KHDRBS2: variants seen among roughly 807,000 people sequenced by gnomAD.
The protein encoded by KHDRBS2 is KH RNA binding domain containing, signal transduction associated 2.
Under a neutral mutation model 44.3 loss-of-function variants are expected in KHDRBS2, and 26 were observed. The ratio of observed to expected loss-of-function variants is 0.59; its 90% CI spans 0.43 to 0.81. The LOEUF (loss-of-function observed/expected upper bound fraction) is 0.81, where lower values mean the gene tolerates loss of function less well. KHDRBS2 is among the 40% of genes least tolerant of loss of function. KHDRBS2 has a pLI of 0.00. For missense variants in KHDRBS2, 476 were observed against 433.1 expected, an observed-to-expected ratio of 1.10 and a Z score of -0.88; for synonymous variants, 194 against 151.1, an observed-to-expected ratio of 1.28 and a Z score of -2.08.
intron 6 of KHDRBS2, among the ~76,000 whole-genome samples, chr6:61,744,753 G>A (rs374172820): frequency 4.0e-5 from 6 of 151,790 alleles, no homozygotes; most frequent in East Asian, 1.9e-4. Context: ...GTCTTCTAGA[G>A]TTCTATATAA....
chr6:61,732,658 T>A, intron 7 of KHDRBS2, 24 bp downstream of exon 7: 1 of 1,386,278 alleles, frequency 7.2e-7, no homozygotes, highest in Non-Finnish European at 1.0e-6. Context: ...CTGAGAAGGC[T>A]GCTTTAGATA....
intron 1 of KHDRBS2, among the ~76,000 whole-genome samples, chr6:62,243,249 A>AT (rs1174602287): frequency 1.3e-5 from 2 of 152,072 alleles, no homozygotes; most frequent in Non-Finnish European, 2.9e-5. Context: ...TGTTGTGAAA[A>AT]TGTTAATGTT....
intron 2 of KHDRBS2, among the ~76,000 whole-genome samples, chr6:62,127,962 C>A (rs1809366612): frequency 6.6e-6 from 1 of 152,104 alleles, no homozygotes; most frequent in Admixed American, 6.5e-5. Context: ...TGACAGTAGT[C>A]AATCACTAAG....
intron 6 of KHDRBS2, among the ~76,000 whole-genome samples, chr6:61,856,395 CA>C (rs527430227): frequency 2.2e-4 from 33 of 152,094 alleles, no homozygotes; most frequent in Non-Finnish European, 4.1e-4. Context: ...ATGCAATAGT[CA>C]CTTACTTATT....
intron 2 of KHDRBS2, among the ~76,000 whole-genome samples, chr6:62,048,766 C>A (rs1413500395): frequency 6.6e-6 from 1 of 151,896 alleles, no homozygotes; most frequent in Non-Finnish European, 1.5e-5. Context: ...ATGTTAGCTA[C>A]TAAAAGGAAC....
chr6:62,059,352 A>T (rs1277846954), intron 2 of KHDRBS2, among the ~76,000 whole-genome samples: 3 of 151,186 alleles, frequency 2.0e-5, no homozygotes, highest in African/African-American at 7.3e-5. Flanking sequence ...AGCAGGAAAA[A>T]GCTAAACATG....
intron 1 of KHDRBS2, among the ~76,000 whole-genome samples, chr6:62,202,036 TA>T (rs1241147376): frequency 6.6e-6 from 1 of 152,066 alleles, no homozygotes; most frequent in African/African-American, 2.4e-5. Context: ...ATTCATTTTT[TA>T]AAAAGTAGTT....
At chr6:62,111,930 A>G (rs1277035426) in intron 2 of KHDRBS2, among the ~76,000 whole-genome samples, 1 of 152,090 alleles carries the variant, frequency 6.6e-6, no homozygotes, top group African/African-American at 2.4e-5. Flanking sequence ...CCAATCATGA[A>G]GTTTCTGATT....
intron 7 of KHDRBS2, among the ~76,000 whole-genome samples, chr6:61,720,973 A>C (rs1463600489): frequency 2.7e-5 from 4 of 150,780 alleles, no homozygotes; most frequent in African/African-American, 7.4e-5. Flanking sequence ...TAAGGAAGGG[A>C]TCCAGTTTCA....
At position 61,700,000 on chromosome 6, in the gene KHDRBS2, C is replaced by G. The variant is rs116757083; in HGVS notation, c.894-2747G>C. Among the ~76,000 whole-genome samples the G allele has an allele frequency of 4.1e-4, 62 of 151,962 alleles. 1 individual carries two copies. The highest frequency in any genetic ancestry group is 1.5e-3 in the African/African-American group (61 of 41,482). On this transcript the variant is annotated intron_variant, in intron 7 of 8. Transcript: ENST00000281156. ...ACTTGACATGATAAAAATGATGCAA[C>G]CCAACTCAGAGTCCTCATATAGGGG...
intron 2 of KHDRBS2, among the ~76,000 whole-genome samples, chr6:62,142,130 G>C (rs1431986626): frequency 6.6e-6 from 1 of 152,048 alleles, no homozygotes; most frequent in East Asian, 1.9e-4. Context: ...GAAGAGTACT[G>C]ATGAGGGCAA....
chr6:61,556,371 A>G, the KHDRBS2 span, among the ~76,000 whole-genome samples: 6 of 152,216 alleles, frequency 3.9e-5, no homozygotes, highest in Non-Finnish European at 8.8e-5. Flanking sequence ...GATCTCACCA[A>G]AAAATCAATA....
chr6:61,797,106 A>G (rs1785473895), intron 6 of KHDRBS2, among the ~76,000 whole-genome samples: 1 of 152,106 alleles, frequency 6.6e-6, no homozygotes, highest in Admixed American at 6.6e-5. Flanking sequence ...GAAAAAAATA[A>G]AAAAATACTA....
chr6:61,679,983 T>C lies in KHDRBS2; in HGVS notation c.*980A>G, dbSNP rs1766151868. On this transcript the variant is annotated 3_prime_UTR_variant, in exon 9 of 9. Transcript: ENST00000281156. ...GGATAGTTTAAAATCCATTTATTAT[T>C]CTAAATCCATTTTTTTCCATTAACA... 1 of 151,972 alleles carries C rather than the reference T, an allele frequency of 6.6e-6. No individual in the cohort carries two copies. The highest frequency in any genetic ancestry group is 2.1e-4 in the South Asian group (1 of 4,836). The allele number at this position is 151,972 out of a possible 1,614,324, so 9.4% of individuals were successfully genotyped here. A position where few individuals can be genotyped will look rare whatever the true frequency, so the allele number is the denominator to read the frequency against.
chr6:62,153,837 T>A (rs777380486), intron 2 of KHDRBS2, among the ~76,000 whole-genome samples: 2 of 152,178 alleles, frequency 1.3e-5, no homozygotes, highest in African/African-American at 4.8e-5. Flanking sequence ...AAACTCTCCA[T>A]CCAGGCTTTG....
At chr6:61,710,522 T>C (rs1236399833) in intron 7 of KHDRBS2, among the ~76,000 whole-genome samples, 3 of 151,622 alleles carry the variant, frequency 2.0e-5, no homozygotes, top group African/African-American at 7.3e-5. Context: ...TCTCTCTTAA[T>C]ATACTCTGTA....
intron 6 of KHDRBS2, among the ~76,000 whole-genome samples, chr6:61,772,222 G>C (rs1781046111): frequency 6.6e-6 from 1 of 152,118 alleles, no homozygotes; most frequent in South Asian, 2.1e-4. Flanking sequence ...AAGCAGGAAA[G>C]ATCTAAAATT....
chr6:61,755,206 A>T (rs1778308502), intron 6 of KHDRBS2, among the ~76,000 whole-genome samples: 1 of 152,160 alleles, frequency 6.6e-6, no homozygotes, highest in African/African-American at 2.4e-5. Flanking sequence ...AAGTATTTTT[A>T]AAAGAATTAT....
intron 7 of KHDRBS2, among the ~76,000 whole-genome samples, 165 bp from the exon 8 acceptor site, chr6:61,697,418 T>C (rs2127544058): frequency 6.6e-6 from 1 of 152,206 alleles, no homozygotes; most frequent in South Asian, 2.1e-4. Flanking sequence ...ACACAGGTTA[T>C]TGACAAGGAG....
Sources: gnomAD v4.1 joint callset for allele counts (sites outside exome capture counted in the v4.1 genomes callset) on GRCh38, gnomAD v4.1.1 for gene constraint, MANE v1.5 for transcripts, NCBI Gene and HGNC (gene_info 2026-07-23, HGNC 2026-07-21) for gene names.